The following PTPRK variants were observed in gnomAD, a reference collection of about 807,000 sequenced individuals.
PTPRK encodes the protein protein tyrosine phosphatase receptor type K.
Under a neutral mutation model 178.0 loss-of-function variants are expected in PTPRK, and 75 were observed. The ratio of observed to expected loss-of-function variants is 0.42; its 90% CI spans 0.35 to 0.51. The LOEUF (loss-of-function observed/expected upper bound fraction) is 0.51, where lower values mean the gene tolerates loss of function less well. Ranked by LOEUF, PTPRK falls within the 20% of genes least tolerant of loss-of-function variation. The pLI, the probability that PTPRK is intolerant of heterozygous loss-of-function variation, is 0.02. For missense variants in PTPRK, 1,441 were observed against 1,797.8 expected, an observed-to-expected ratio of 0.80 and a Z score of 3.59; for synonymous variants, 637 against 620.6, an observed-to-expected ratio of 1.03 and a Z score of -0.39.
At chr6:128,139,041 T>C (rs1013300167) in intron 7 of PTPRK, among the ~76,000 whole-genome samples, 2 of 151,972 alleles carry the variant, frequency 1.3e-5, no homozygotes, top group African/African-American at 4.8e-5. Context: ...GGGAGAATAA[T>C]GTGAGCTAAA....
At chr6:128,194,064 ATAT>A (rs373236074) in intron 6 of PTPRK, among the ~76,000 whole-genome samples, 30,925 of 137,228 alleles carry the variant, frequency 0.23, 3,566 homozygotes, top group Admixed American at 0.3. Context: ...ATTTATATAT[ATAT>A]TATTATTATT....
intron 5 of PTPRK, among the ~76,000 whole-genome samples, chr6:128,221,252 C>A (rs112716788): frequency 6.6e-6 from 1 of 151,970 alleles, no homozygotes; most frequent in Non-Finnish European, 1.5e-5. Context: ...TGGCCAGGCG[C>A]GGTGGCTCAC....
intron 2 of PTPRK, among the ~76,000 whole-genome samples, chr6:128,331,083 T>C (rs998633928): frequency 6.6e-6 from 1 of 152,152 alleles, no homozygotes; most frequent in Non-Finnish European, 1.5e-5. Context: ...ATTTCCTTTA[T>C]AGCACTTTCC....
At chr6:128,148,808 A>G (rs1796856991) in intron 7 of PTPRK, among the ~76,000 whole-genome samples, 1 of 152,144 alleles carries the variant, frequency 6.6e-6, no homozygotes, top group Non-Finnish European at 1.5e-5. Context: ...CTTAAAAATG[A>G]TATGTCCAGC....
intron 7 of PTPRK, among the ~76,000 whole-genome samples, chr6:128,099,572 C>T (rs964132991): frequency 2.0e-5 from 3 of 152,050 alleles, no homozygotes; most frequent in African/African-American, 4.8e-5. Context: ...TTTCATCACA[C>T]ATCTGGAAGA....
intron 7 of PTPRK, among the ~76,000 whole-genome samples, chr6:128,098,515 A>G (rs1788270322): frequency 6.6e-6 from 1 of 152,142 alleles, no homozygotes; most frequent in Admixed American, 6.6e-5. Context: ...TAGCCAGTCC[A>G]TCAGTGGATA....
intron 13 of PTPRK, among the ~76,000 whole-genome samples, chr6:128,017,774 T>C (rs1164888185): frequency 1.9e-5 from 1 of 52,118 alleles, no homozygotes; most frequent in East Asian, 5.6e-4. Flanking sequence ...ATATAAATAT[T>C]TATACATATA....
chr6:128,121,227 T>C (rs188675500), intron 7 of PTPRK, among the ~76,000 whole-genome samples: 1 of 152,060 alleles, frequency 6.6e-6, no homozygotes, highest in Admixed American at 6.5e-5. Flanking sequence ...ATTCAGAGAT[T>C]TAGAGATGAC....
chr6:128,075,802 T>A (rs1783709745), intron 11 of PTPRK, among the ~76,000 whole-genome samples: 1 of 152,022 alleles, frequency 6.6e-6, no homozygotes. Flanking sequence ...AACTGGAGTT[T>A]GTTTGATATT....
At chr6:128,103,096 AGAACAGAG>A (rs148380334) in intron 7 of PTPRK, among the ~76,000 whole-genome samples, 5,769 of 152,206 alleles carry the variant, frequency 0.038, 350 homozygotes, top group African/African-American at 0.13. Flanking sequence ...GATGAGCAGA[AGAACAGAG>A]GAACAGAAGA....
At chr6:128,450,940 C>T (rs1029913679) in intron 1 of PTPRK, among the ~76,000 whole-genome samples, 3 of 152,086 alleles carry the variant, frequency 2.0e-5, no homozygotes, top group African/African-American at 4.8e-5. Flanking sequence ...TTTCATGAAA[C>T]GCCATTTTTA....
chr6:128,385,652 A>C (rs1838601136), intron 2 of PTPRK, among the ~76,000 whole-genome samples: 1 of 152,228 alleles, frequency 6.6e-6, no homozygotes, highest in African/African-American at 2.4e-5. Context: ...TAATAAATTA[A>C]TCACAAGCAT....
chr6:128,211,088 C>T (rs1000952323), intron 6 of PTPRK, among the ~76,000 whole-genome samples: 1 of 151,824 alleles, frequency 6.6e-6, no homozygotes, highest in Non-Finnish European at 1.5e-5. Flanking sequence ...ATTTATATAC[C>T]TTGTAAGAGA....
chr6:128,117,746 G>A (rs1368788905), intron 7 of PTPRK, among the ~76,000 whole-genome samples: 1 of 152,026 alleles, frequency 6.6e-6, no homozygotes, highest in Admixed American at 6.6e-5. Flanking sequence ...TCTGCCTTCT[G>A]GGTTCAAGTG....
At chr6:128,189,235 CTTTTTTTT>C (rs71028115) in intron 6 of PTPRK, among the ~76,000 whole-genome samples, 7 of 67,450 alleles carry the variant, frequency 1.0e-4, no homozygotes, top group East Asian at 4.9e-4. Context: ...TACTCTTTTT[CTTTTTTTT>C]TTTTTTTTTT....
chr6:128,203,515 A>G (rs1806345599), intron 6 of PTPRK, among the ~76,000 whole-genome samples: 1 of 152,228 alleles, frequency 6.6e-6, no homozygotes, highest in Admixed American at 6.5e-5. Flanking sequence ...ACATGATCCT[A>G]TACCTAGAAA....
chr6:128,384,684 C>T (rs1838444022), intron 2 of PTPRK, among the ~76,000 whole-genome samples: 1 of 151,912 alleles, frequency 6.6e-6, no homozygotes, highest in Non-Finnish European at 1.5e-5. Context: ...GTGTGCAGAA[C>T]ATAATGAATT....
intron 3 of PTPRK, among the ~76,000 whole-genome samples, chr6:128,290,614 G>A (rs1823227011): frequency 6.6e-6 from 1 of 151,918 alleles, no homozygotes. Flanking sequence ...ACAGGGGCCA[G>A]TTCTCTAGGA....
intron 1 of PTPRK, 70 bp from the exon 2 acceptor site, chr6:128,397,758 G>A: frequency 6.8e-7 from 1 of 1,465,648 alleles, no homozygotes; most frequent in South Asian, 1.2e-5. Flanking sequence ...TCTGGAGAAG[G>A]AAATGTTATA....
Sources: gnomAD v4.1 joint callset for allele counts (sites outside exome capture counted in the v4.1 genomes callset) on GRCh38, gnomAD v4.1.1 for gene constraint, MANE v1.5 for transcripts, NCBI Gene and HGNC (gene_info 2026-07-23, HGNC 2026-07-21) for gene names.